The following CCDC57 variants were observed in gnomAD, a reference collection of about 807,000 sequenced individuals.
The protein encoded by CCDC57 is coiled-coil domain-containing protein 57.
A neutral mutation model predicts 118.9 loss-of-function variants in CCDC57; 118 were observed. The observed-to-expected ratio is 0.99, with a 90% confidence interval of 0.86 to 1.16. CCDC57 has a LOEUF of 1.16. Ranked by LOEUF, CCDC57 falls within the 50% of genes most tolerant of loss-of-function variation. CCDC57 has a pLI of 0.00. For synonymous variants in CCDC57, 527 were observed against 532.9 expected (o/e 0.99, Z 0.15); for missense variants, 1,300 against 1,320.7 (o/e 0.98, Z 0.24).
chr17:82,119,369 A>C (rs62079998), intron 19 of CCDC57, among the ~76,000 whole-genome samples: 79,004 of 151,270 alleles, frequency 0.52, 21,348 homozygotes, highest in Non-Finnish European at 0.57. Context: ...CCCATCCCTC[A>C]CAGTTATCTC....
chr17:82,171,840 G>C (rs765074289), exon 13 of CCDC57: 1 of 1,612,928 alleles, frequency 6.2e-7, no homozygotes, highest in Non-Finnish European at 8.5e-7. Flanking sequence ...CTGCTTCAAG[G>C]GCCAGAACAT....
At chr17:82,109,750 G>C (rs541667923) in intron 19 of CCDC57, among the ~76,000 whole-genome samples, 121 of 151,826 alleles carry the variant, frequency 8.0e-4, no homozygotes, top group African/African-American at 2.8e-3. Flanking sequence ...CCACTTACTC[G>C]GGAGGCTGAG....
At chr17:82,101,913 G>A in intron 19 of CCDC57, 47 bp from the exon 19 acceptor site, 3 of 1,497,372 alleles carry the variant, frequency 2.0e-6, no homozygotes, top group Non-Finnish European at 2.7e-6. Context: ...ATGGCAGGGG[G>A]AGCAGGAGGC....
chr17:82,149,193 ATGGATGAGTGGG>A (rs2041489380), intron 16 of CCDC57, among the ~76,000 whole-genome samples: 1 of 115,740 alleles, frequency 8.6e-6, no homozygotes, highest in Non-Finnish European at 1.7e-5. Context: ...TGGATGGCGG[ATGGATGAGTGGG>A]TGGATGAATG....
At position 82,212,072 on chromosome 17, in the gene CCDC57, C is replaced by T. The variant is rs374752574; in HGVS notation, c.-211+713G>A. Among the ~76,000 whole-genome samples the T allele has an allele frequency of 9.2e-5, 14 of 152,162 alleles. No homozygotes were observed. The highest frequency in any genetic ancestry group is 1.9e-4 in the Non-Finnish European group (13 of 68,036). On this transcript the variant is annotated intron_variant, in intron 1 of 19. Transcript: ENST00000665763. This position sits in a 1 kb window ranked among gnomAD's most constrained non-coding sequence, Gnocchi z 4.1. ...AGAAATCTAGCCCCTTCTTCGGGGCCGAGGGAATTTGCAGCTCTAGCAGTC... is the reference window on the plus strand; with the variant it reads ...AGAAATCTAGCCCCTTCTTCGGGGCTGAGGGAATTTGCAGCTCTAGCAGTC...
chr17:82,127,952 A>AG, intron 18 of CCDC57, 44 bp from the exon 18 acceptor site: 1 of 1,601,888 alleles, frequency 6.2e-7, no homozygotes. Flanking sequence ...TCTCCAACCC[A>AG]GAGGAAGCCA....
At chr17:82,127,114 C>T (rs1412066926) in intron 19 of CCDC57, 3 of 985,452 alleles carry the variant, frequency 3.0e-6, no homozygotes, top group East Asian at 2.3e-4. Flanking sequence ...GGCACTGTGA[C>T]CTGCTGAGTT....
chr17:82,134,289 C>T (rs1218972877), intron 16 of CCDC57, 95 bp from the exon 16 acceptor site: 16 of 1,214,516 alleles, frequency 1.3e-5, no homozygotes, highest in Non-Finnish European at 1.7e-5. Flanking sequence ...CAGCATGTTC[C>T]TTTTCAAAAC....
chr17:82,179,311 T>C (rs1005940077), intron 9 of CCDC57, 122 bp from the exon 9 acceptor site: 1 of 1,044,910 alleles, frequency 9.6e-7, no homozygotes. Context: ...TGGCCTGCGC[T>C]GGGCTGACAT....
chr17:82,210,993 TAAAAAAAAAAAAAAAAGAA>T (rs1488982946), intron 1 of CCDC57, among the ~76,000 whole-genome samples: 3 of 68,860 alleles, frequency 4.4e-5, no homozygotes, highest in African/African-American at 5.9e-5. Context: ...GACTCCGTCT[TAAAAAAAAAAAAAAAAGAA>T]AAAAAAAAAA....
chr17:82,204,066 C>G (rs2049303386), intron 2 of CCDC57, among the ~76,000 whole-genome samples: 3 of 152,140 alleles, frequency 2.0e-5, no homozygotes, highest in African/African-American at 7.2e-5. Context: ...GGCACACCCG[C>G]TGGGGGCACG....
exon 17 of CCDC57, chr17:82,134,126 G>C (rs1341672491): frequency 5.0e-6 from 7 of 1,400,832 alleles, no homozygotes; most frequent in Non-Finnish European, 6.5e-6. Context: ...CGATCCAAAG[G>C]CCTCCTGGGC....
At chr17:82,144,534 G>C (rs1212189188) in intron 16 of CCDC57, among the ~76,000 whole-genome samples, 1 of 152,124 alleles carries the variant, frequency 6.6e-6, no homozygotes, top group Non-Finnish European at 1.5e-5. Flanking sequence ...TGAGTATAAA[G>C]CCTTGTGTCC....
chr17:82,126,790 G>C (rs2037494973), intron 19 of CCDC57: 1 of 985,350 alleles, frequency 1.0e-6, no homozygotes, highest in Non-Finnish European at 1.2e-6. Context: ...TATTCTAACA[G>C]TATCTGTGAC....
chr17:82,189,560 T>C (rs1218310350), intron 7 of CCDC57, among the ~76,000 whole-genome samples: 2 of 151,926 alleles, frequency 1.3e-5, no homozygotes, highest in African/African-American at 4.8e-5. Context: ...TGATTTAAAA[T>C]TATTCCTGGC....
intron 19 of CCDC57, among the ~76,000 whole-genome samples, chr17:82,124,855 A>G (rs534858479): frequency 2.2e-4 from 34 of 152,304 alleles, no homozygotes; most frequent in Middle Eastern, 3.4e-3. Flanking sequence ...GTGCTCCAAG[A>G]GAAAAGGAGA....
chr17:82,177,694 C>T (rs1568373250), intron 11 of CCDC57, among the ~76,000 whole-genome samples: 2 of 152,184 alleles, frequency 1.3e-5, no homozygotes, highest in South Asian at 2.1e-4. Flanking sequence ...GGAGAGAATG[C>T]GCACCAGTGG....
intron 2 of CCDC57, among the ~76,000 whole-genome samples, chr17:82,202,410 C>T (rs1012938096): frequency 6.9e-6 from 1 of 144,244 alleles, no homozygotes; most frequent in Non-Finnish European, 1.5e-5. Context: ...AGAGGTTGCA[C>T]ACCAGCCTGG....
chr17:82,164,779 T>G (rs1446067608), intron 13 of CCDC57, among the ~76,000 whole-genome samples: 1 of 152,174 alleles, frequency 6.6e-6, no homozygotes, highest in Non-Finnish European at 1.5e-5. Flanking sequence ...ATACACAATT[T>G]TAAACCTTCC....
Sources: allele counts gnomAD v4.1 joint callset (sites outside exome capture counted in the v4.1 genomes callset), GRCh38; gene constraint gnomAD v4.1.1; non-coding constraint Gnocchi (gnomAD v3.1); transcripts MANE v1.5; gene names NCBI Gene and HGNC (gene_info 2026-07-23, HGNC 2026-07-21).